TAB1: variants seen among roughly 807,000 people sequenced by gnomAD.
The protein encoded by TAB1 is TGF-beta-activated kinase 1 and MAP3K7-binding protein 1.
Under a neutral mutation model 54.5 loss-of-function variants are expected in TAB1, and 30 were observed. That is an observed-to-expected ratio of 0.55 (90% CI 0.41 to 0.75). TAB1 has a LOEUF of 0.75. Ranked by LOEUF, TAB1 falls within the 30% of genes least tolerant of loss-of-function variation. The probability of loss-of-function intolerance (pLI) is 0.00; values close to 1 mark genes in which losing one functional copy is unlikely to be tolerated. For missense variants in TAB1, 609 were observed against 683.2 expected, an observed-to-expected ratio of 0.89 and a Z score of 1.21; for synonymous variants, 289 against 286.9, an observed-to-expected ratio of 1.01 and a Z score of -0.07.
At chr22:39,428,244 AC>A in intron 10 of TAB1, 61 bp downstream of exon 10, 2 of 1,221,880 alleles carry the variant, frequency 1.6e-6, no homozygotes, top group Non-Finnish European at 2.3e-6. Context: ...GTCCTGTGGC[AC>A]CAGGACAGAA....
At chr22:39,417,176 C>T (rs1926868741) in intron 4 of TAB1, among the ~76,000 whole-genome samples, 1 of 152,258 alleles carries the variant, frequency 6.6e-6, no homozygotes, top group Non-Finnish European at 1.5e-5. Flanking sequence ...TCGCCTACTG[C>T]CACCTGCAGC....
intron 1 of TAB1, 30 bp from the exon 2 acceptor site, chr22:39,414,976 G>A (rs199694464): frequency 2.8e-5 from 45 of 1,612,976 alleles, no homozygotes; most frequent in Non-Finnish European, 3.3e-5. Flanking sequence ...ACGCGGTGGC[G>A]TCTCACGGCT....
At chr22:39,408,888 A>AT (rs1346834164) in intron 1 of TAB1, among the ~76,000 whole-genome samples, 1 of 152,118 alleles carries the variant, frequency 6.6e-6, no homozygotes, top group Non-Finnish European at 1.5e-5. Context: ...GAAACTATGG[A>AT]TTTTTTTAGA....
At chr22:39,429,336 TAG>T in intron 10 of TAB1, 1 of 985,422 alleles carries the variant, frequency 1.0e-6, no homozygotes. Context: ...GGGACGGGTT[TAG>T]AGAGATGGTA....
intron 1 of TAB1, among the ~76,000 whole-genome samples, chr22:39,408,884 A>G (rs1033481422): frequency 6.6e-6 from 1 of 152,172 alleles, no homozygotes; most frequent in Admixed American, 6.5e-5. Flanking sequence ...CTGGGAAACT[A>G]TGGATTTTTT....
downstream of TAB1, among the ~76,000 whole-genome samples, chr22:39,434,622 G>A (rs1927718483): frequency 6.6e-6 from 1 of 152,246 alleles, no homozygotes; most frequent in South Asian, 2.1e-4. Flanking sequence ...GGCCGCGTCA[G>A]GGACAGACAC....
chr22:39,413,746 G>A (rs919057461), intron 1 of TAB1, among the ~76,000 whole-genome samples: 1 of 152,206 alleles, frequency 6.6e-6, no homozygotes, highest in Non-Finnish European at 1.5e-5. Flanking sequence ...TATTTTCCTT[G>A]AAATTGAACT....
At chr22:39,429,368 G>C (rs1357611741) in intron 10 of TAB1, 3 of 985,362 alleles carry the variant, frequency 3.0e-6, no homozygotes, top group Non-Finnish European at 2.4e-6. Flanking sequence ...CGGTGGTTCA[G>C]CTTCACCCGA....
chr22:39,422,109 A>C, intron 8 of TAB1, 138 bp downstream of exon 8: 1 of 877,824 alleles, frequency 1.1e-6, no homozygotes, highest in South Asian at 2.2e-5. Flanking sequence ...GGGAAGGAGA[A>C]TCCCAGAGCT....
downstream of TAB1, chr22:39,436,815 G>A (rs1165914554): frequency 7.4e-6 from 4 of 539,616 alleles, no homozygotes; most frequent in Non-Finnish European, 1.3e-5. Context: ...CCCCAAGGCT[G>A]TCCTCTGTTC....
At chr22:39,401,716 A>G (rs1174898736) in intron 1 of TAB1, among the ~76,000 whole-genome samples, 3 of 152,226 alleles carry the variant, frequency 2.0e-5, no homozygotes, top group Non-Finnish European at 4.4e-5. Flanking sequence ...AGCTTTAAAC[A>G]CATTGCATCT....
Position 39,401,034 on chromosome 22 carries a change from CAAA to C in TAB1, c.33+1219_33+1221del, listed in dbSNP as rs566248298. On this transcript the variant is annotated intron_variant, in intron 1 of 10. Transcript: ENST00000216160. ...GGAGCGACAGAGCGAGACTGTGTCT[CAAA>C]AAAAAAAAAAAAAAAAAAACGAAAG... is the stretch of plus-strand genomic sequence containing the variant. Among the ~76,000 whole-genome samples the C allele has an allele frequency of 3.5e-3, 162 of 45,684 alleles. 1 individual carries two copies. In the East Asian group the frequency reaches 0.076, roughly 22 times the overall value. 30.0% of individuals were successfully genotyped at this position (45,684 alleles called of 152,430 possible).
chr22:39,435,332 G>A (rs17001118), downstream of TAB1, among the ~76,000 whole-genome samples: 6,829 of 152,074 alleles, frequency 0.045, 520 homozygotes, highest in African/African-American at 0.16. Flanking sequence ...ATAGATCTGC[G>A]CTTCACAGGA....
chr22:39,416,184 G>A (rs1430946128), intron 3 of TAB1, among the ~76,000 whole-genome samples: 2 of 152,148 alleles, frequency 1.3e-5, no homozygotes, highest in Admixed American at 6.6e-5. Context: ...TTCTGTTCCC[G>A]GAGAGGGGTG....
chr22:39,414,523 C>T (rs2145666299), intron 1 of TAB1, among the ~76,000 whole-genome samples: 1 of 152,362 alleles, frequency 6.6e-6, no homozygotes, highest in African/African-American at 2.4e-5. Flanking sequence ...GAAAGCATCA[C>T]CCATGGGGAG....
rs1926981323 is a variant in TAB1, at chr22:39,419,556, C to G, written c.702C>G (p.Ile234Met). Residue 234 changes from isoleucine to methionine, a missense_variant, in exon 7 of 11, where the codon ATC (isoleucine) becomes ATG (methionine). Coordinates refer to ENST00000216160, the MANE Select transcript of TAB1 (RefSeq NM_006116.3). Reference sequence around the variant, plus strand: ...GAAAGATCAAGCAGGTGGGGATCATCTGTGGGCAGGAGAGCACCCGGCGGA... The same window carrying G: ...GAAAGATCAAGCAGGTGGGGATCATGTGTGGGCAGGAGAGCACCCGGCGGA... ...DAGKIKQVGI[I>M]CGQESTRRIG... 3 of 1,612,922 alleles carry G rather than the reference C, an allele frequency of 1.9e-6. No individual in the cohort carries two copies. The highest frequency in any genetic ancestry group is 3.3e-5 in the Admixed American group (2 of 59,890).
At chr22:39,414,284 G>A (rs117187205) in intron 1 of TAB1, among the ~76,000 whole-genome samples, 94 of 152,308 alleles carry the variant, frequency 6.2e-4, no homozygotes, top group Non-Finnish European at 1.0e-3. Flanking sequence ...CAAAGAGCAG[G>A]GGATGGACAG....
At chr22:39,419,376 C>A in intron 6 of TAB1, 143 bp from the exon 7 acceptor site, 1 of 605,738 alleles carries the variant, frequency 1.7e-6, no homozygotes, top group Non-Finnish European at 2.8e-6. Context: ...GGGTCAGCTG[C>A]TCTCCCAGGT....
At chr22:39,431,981 GGCT>G (rs1382734993), downstream of TAB1, 11 of 660,828 alleles carry the variant, frequency 1.7e-5, no homozygotes, top group African/African-American at 2.0e-5. Context: ...CGGCTCGCCA[GGCT>G]GCTAAGTGGC....
Sources: gnomAD v4.1 joint callset for allele counts (sites outside exome capture counted in the v4.1 genomes callset) on GRCh38, gnomAD v4.1.1 for gene constraint, MANE v1.5 for transcripts, NCBI Gene and HGNC (gene_info 2026-07-23, HGNC 2026-07-21) for gene names.